The following CNTN6 variants were observed in gnomAD, a reference collection of about 807,000 sequenced individuals.
The protein encoded by CNTN6 is contactin 6.
A neutral mutation model predicts 122.8 loss-of-function variants in CNTN6; 137 were observed. That is an observed-to-expected ratio of 1.12 (90% CI 0.97 to 1.29). CNTN6 has a LOEUF of 1.29. CNTN6 is among the 50% of genes most tolerant of loss of function. The probability of loss-of-function intolerance (pLI) is 0.00; values close to 1 mark genes in which losing one functional copy is unlikely to be tolerated. For missense variants in CNTN6, 1,634 were observed against 1,223.4 expected (o/e 1.34, Z -5.01); for synonymous variants, 570 against 426.0 (o/e 1.34, Z -4.16).
At chr3:1,342,023 G>T (rs1703960517) in intron 11 of CNTN6, among the ~76,000 whole-genome samples, 1 of 152,048 alleles carries the variant, frequency 6.6e-6, no homozygotes, top group South Asian at 2.1e-4. Flanking sequence ...CAGTTAATGG[G>T]AAGTATATCC....
At chr3:1,392,386 A>G (rs1694294738) in intron 20 of CNTN6, among the ~76,000 whole-genome samples, 4 of 152,284 alleles carry the variant, frequency 2.6e-5, no homozygotes, top group Non-Finnish European at 4.4e-5. Flanking sequence ...CCTTCCTTAC[A>G]CCTTATACAA....
At chr3:1,147,901 T>C (rs2092756329) in intron 1 of CNTN6, 26 bp from the exon 2 acceptor site, 2 of 706,328 alleles carry the variant, frequency 2.8e-6, no homozygotes, top group Admixed American at 4.3e-5. Flanking sequence ...ACGTTTTTCA[T>C]TTCATGACAA....
At chr3:1,369,151 C>A (rs541249403) in intron 12 of CNTN6, among the ~76,000 whole-genome samples, 1 of 152,298 alleles carries the variant, frequency 6.6e-6, no homozygotes, top group Non-Finnish European at 1.5e-5. Context: ...TACCTGCTAC[C>A]TTTACCCAGC....
chr3:1,140,253 T>C (rs1265391977), intron 1 of CNTN6, among the ~76,000 whole-genome samples: 1 of 152,166 alleles, frequency 6.6e-6, no homozygotes, highest in Non-Finnish European at 1.5e-5. Context: ...AGCATTTCTA[T>C]AAGATATAAT....
intron 1 of CNTN6, among the ~76,000 whole-genome samples, chr3:1,115,140 C>A (rs1169043544): frequency 2.0e-5 from 3 of 152,096 alleles, no homozygotes; most frequent in African/African-American, 4.8e-5. Context: ...GTGAAAGACA[C>A]ATAAATATAA....
chr3:1,365,881 G>A (rs1282236423), intron 12 of CNTN6, among the ~76,000 whole-genome samples: 1 of 152,034 alleles, frequency 6.6e-6, no homozygotes, highest in African/African-American at 2.4e-5. Context: ...AACACTTACT[G>A]GATATAAATT....
chr3:1,399,406 A>G (rs181567548), intron 20 of CNTN6, among the ~76,000 whole-genome samples: 2 of 152,256 alleles, frequency 1.3e-5, no homozygotes, highest in Admixed American at 1.3e-4. Context: ...AGCATTATAA[A>G]TGACAAGTAC....
chr3:1,155,798 C>G (rs920586864), intron 2 of CNTN6, among the ~76,000 whole-genome samples: 1 of 152,142 alleles, frequency 6.6e-6, no homozygotes, highest in Admixed American at 6.5e-5. Context: ...TGCCTCTCCC[C>G]CCAAGACATT....
At chr3:1,262,047 G>A (rs1001069762) in intron 4 of CNTN6, among the ~76,000 whole-genome samples, 7 of 152,262 alleles carry the variant, frequency 4.6e-5, no homozygotes, top group African/African-American at 1.7e-4. Context: ...ACTGGACAGT[G>A]ATCTCCTGGA....
At chr3:1,300,280 C>T (rs976003210) in intron 7 of CNTN6, among the ~76,000 whole-genome samples, 13 of 152,042 alleles carry the variant, frequency 8.6e-5, no homozygotes, top group Non-Finnish European at 1.6e-4. Context: ...GCCACTGCGC[C>T]GACCGCATTC....
intron 14 of CNTN6, 24 bp downstream of exon 14, chr3:1,372,979 G>T: frequency 7.6e-7 from 1 of 1,321,920 alleles, no homozygotes; most frequent in South Asian, 1.3e-5. Context: ...GTGAAAAAGT[G>T]ATCACATTGT....
chr3:1,401,671 A>C, intron 21 of CNTN6, 126 bp downstream of exon 21: 1 of 635,816 alleles, frequency 1.6e-6, no homozygotes, highest in East Asian at 2.9e-5. Context: ...AATTATTTTG[A>C]AAATACCATT....
intron 1 of CNTN6, among the ~76,000 whole-genome samples, chr3:1,100,787 T>C (rs2090848451): frequency 6.6e-6 from 1 of 152,160 alleles, no homozygotes; most frequent in Non-Finnish European, 1.5e-5. Flanking sequence ...TATCCTGCTA[T>C]TCTGCTTGTT....
At chr3:1,119,425 T>G (rs1328707482) in intron 1 of CNTN6, among the ~76,000 whole-genome samples, 1 of 150,894 alleles carries the variant, frequency 6.6e-6, no homozygotes, top group African/African-American at 2.4e-5. Context: ...TACCATATTT[T>G]TATACATAGT....
At chr3:1,277,958 G>A (rs1692716711) in intron 4 of CNTN6, among the ~76,000 whole-genome samples, 1 of 152,072 alleles carries the variant, frequency 6.6e-6, no homozygotes, top group Non-Finnish European at 1.5e-5. Context: ...CATTGGTTCT[G>A]TCACACAGAA....
rs189439745 is a variant in CNTN6, at chr3:1,156,586, C to A, written c.55+8523C>A. On this transcript the variant is annotated intron_variant, in intron 2 of 22. Transcript: ENST00000446702. ...GCAAAGGAAGAAACGATATTTGAGT[C>A]TCAGACTTTCTTTCTTTCTTTCTTT... is the stretch of plus-strand genomic sequence containing the variant. Among the ~76,000 whole-genome samples the A allele has an allele frequency of 3.4e-4, 52 of 152,088 alleles. 1 individual carries two copies. The East Asian group carries it at 9.1e-3, about 27-fold the overall frequency.
At chr3:1,200,046 T>A (rs1162589468) in intron 2 of CNTN6, among the ~76,000 whole-genome samples, 2 of 151,892 alleles carry the variant, frequency 1.3e-5, no homozygotes, top group Admixed American at 1.3e-4. Context: ...TATATATGTC[T>A]TTTTTTTAGA....
chr3:1,351,720 C>T (rs573126012), intron 11 of CNTN6, among the ~76,000 whole-genome samples: 6 of 151,882 alleles, frequency 4.0e-5, no homozygotes, highest in African/African-American at 4.8e-5. Flanking sequence ...CATAATTAAC[C>T]CATGAAGCCT....
chr3:1,297,741 CATTTTAGAATCT>C (rs1696513735), intron 6 of CNTN6, 136 bp from the exon 7 acceptor site: 1 of 564,458 alleles, frequency 1.8e-6, no homozygotes, highest in African/African-American at 2.0e-5. Context: ...AACACAGAAG[CATTTTAGAATCT>C]ATATGTATCC....
Sources: gnomAD v4.1 joint callset for allele counts (sites outside exome capture counted in the v4.1 genomes callset) on GRCh38, gnomAD v4.1.1 for gene constraint, MANE v1.5 for transcripts, NCBI Gene and HGNC (gene_info 2026-07-23, HGNC 2026-07-21) for gene names.